The following SLC36A1 variants were observed in gnomAD, a reference collection of about 807,000 sequenced individuals.
SLC36A1 encodes the protein proton-coupled amino acid transporter 1.
SLC36A1 carries 30 observed loss-of-function variants against 47.5 expected under a neutral mutation model. The observed-to-expected ratio is 0.63, with a 90% CI of 0.47 to 0.86. The LOEUF is 0.86. SLC36A1 is among the 40% of genes least tolerant of loss of function. The probability of loss-of-function intolerance (pLI) is 0.00; values close to 1 mark genes in which losing one functional copy is unlikely to be tolerated. For missense variants in SLC36A1, 517 were observed against 606.0 expected (o/e 0.85, Z 1.54); for synonymous variants, 255 against 249.7 (o/e 1.02, Z -0.20).
At chr5:151,531,627 G>A in the SLC36A1 span, 2 of 1,613,302 alleles carry the variant, frequency 1.2e-6, no homozygotes, top group Non-Finnish European at 1.7e-6. The surrounding 1 kb of genome is among the most constrained non-coding windows in gnomAD (Gnocchi z 5.7). Flanking sequence ...GCTCGTTCCC[G>A]CTGACCACGC....
chr5:151,415,934 T>A, the SLC36A1 span, among the ~76,000 whole-genome samples: 1 of 152,114 alleles, frequency 6.6e-6, no homozygotes, highest in Non-Finnish European at 1.5e-5. Context: ...GGTGAAACCC[T>A]GTCTCTACTA....
chr5:151,500,784 C>G, the SLC36A1 span, among the ~76,000 whole-genome samples: 1 of 152,210 alleles, frequency 6.6e-6, no homozygotes, highest in Admixed American at 6.5e-5. Context: ...ATGGTAGTGA[C>G]GGTCACGATG....
At chr5:151,433,848 T>A (rs543016770), upstream of SLC36A1, among the ~76,000 whole-genome samples, 2 of 151,706 alleles carry the variant, frequency 1.3e-5, no homozygotes, top group Non-Finnish European at 2.9e-5. Context: ...TGGAAATAAA[T>A]CAATATCCCA....
chr5:151,379,977 GAAA>G, the SLC36A1 span, among the ~76,000 whole-genome samples: 1 of 141,938 alleles, frequency 7.0e-6, no homozygotes, highest in African/African-American at 2.7e-5. Flanking sequence ...CAAGCAACTA[GAAA>G]AAAAAATTAA....
At chr5:151,537,317 A>AG in the SLC36A1 span, among the ~76,000 whole-genome samples, 7,108 of 93,286 alleles carry the variant, frequency 0.076, 198 homozygotes, top group African/African-American at 0.12. Flanking sequence ...AAGAAAAAGA[A>AG]AGAGAAAAAA....
the SLC36A1 span, chr5:151,545,778 G>A: frequency 1.9e-6 from 3 of 1,614,164 alleles, no homozygotes; most frequent in Non-Finnish European, 2.5e-6. Flanking sequence ...TCACAAAGGG[G>A]TTGTTGTTTT....
At chr5:151,377,395 C>T in the SLC36A1 span, among the ~76,000 whole-genome samples, 1 of 142,068 alleles carries the variant, frequency 7.0e-6, no homozygotes. Flanking sequence ...GTCGCCCAGG[C>T]TGGAGTGCAG....
the SLC36A1 span, among the ~76,000 whole-genome samples, chr5:151,547,975 T>C: frequency 6.6e-6 from 1 of 152,234 alleles, no homozygotes; most frequent in Admixed American, 6.5e-5. Flanking sequence ...ATTTTAAAAC[T>C]AATCTAATCT....
At chr5:151,545,936 G>T in the SLC36A1 span, 2 of 1,613,880 alleles carry the variant, frequency 1.2e-6, no homozygotes. Flanking sequence ...TTGCTGCCTC[G>T]GATTTTCAGC....
intron 3 of SLC36A1, among the ~76,000 whole-genome samples, 183 bp downstream of exon 3, chr5:151,463,826 G>A (rs908769363): frequency 3.7e-4 from 57 of 152,300 alleles, no homozygotes; most frequent in African/African-American, 1.3e-3. Context: ...TGTTCTGTGC[G>A]TTAGGCACTG....
the SLC36A1 span, among the ~76,000 whole-genome samples, chr5:151,389,782 C>A: frequency 6.6e-6 from 1 of 151,926 alleles, no homozygotes; most frequent in African/African-American, 2.4e-5. Context: ...TGTATATGTG[C>A]CACATTTTCT....
chr5:151,358,739 C>T, the SLC36A1 span, among the ~76,000 whole-genome samples: 12 of 151,524 alleles, frequency 7.9e-5, no homozygotes, highest in Admixed American at 5.9e-4. Flanking sequence ...TTTGGGAGGC[C>T]GAGGCGGGTG....
the SLC36A1 span, among the ~76,000 whole-genome samples, chr5:151,422,769 C>T: frequency 1.3e-5 from 2 of 151,826 alleles, no homozygotes; most frequent in Admixed American, 6.6e-5. Context: ...AGTGAAGCCC[C>T]GTCTCTACTA....
Position 151,437,624 on chromosome 5 carries a change from G to A in SLC36A1, c.-6+445G>A, listed in dbSNP as rs114652796. Among the ~76,000 whole-genome samples, 894 of 151,884 alleles carry A rather than the reference G, an allele frequency of 5.9e-3. 17 individuals carry two copies. Among genetic ancestry groups the A allele is most frequent in the African/African-American group, 0.021 (861 of 41,406 alleles). ...GAAAATTTGTACCTCTTAAATTCTCGTACTTTACTTCTCAATATAATTATT... is the reference window on the plus strand; with the variant it reads ...GAAAATTTGTACCTCTTAAATTCTCATACTTTACTTCTCAATATAATTATT... On this transcript the variant is annotated intron_variant, in intron 1 of 8. Transcript: ENST00000429484.
the SLC36A1 span, among the ~76,000 whole-genome samples, chr5:151,518,689 A>C: frequency 2.6e-5 from 4 of 152,242 alleles, no homozygotes; most frequent in Non-Finnish European, 5.9e-5. Context: ...GGCATCCTCC[A>C]TCCCGCCTTA....
chr5:151,517,565 T>A, the SLC36A1 span: 1 of 1,607,040 alleles, frequency 6.2e-7, no homozygotes, highest in South Asian at 1.1e-5. Context: ...CCTCACCCCC[T>A]ACCTCCCCAG....
At chr5:151,495,174 T>C (rs1234778621), downstream of SLC36A1, among the ~76,000 whole-genome samples, 1 of 152,216 alleles carries the variant, frequency 6.6e-6, no homozygotes, top group Non-Finnish European at 1.5e-5. Context: ...ATTTTAGCCC[T>C]TCTAATAGGT....
the SLC36A1 span, among the ~76,000 whole-genome samples, chr5:151,419,160 T>C: frequency 6.6e-6 from 1 of 152,236 alleles, no homozygotes; most frequent in Admixed American, 6.5e-5. Flanking sequence ...TAAATCTCTT[T>C]CCTTTATAAA....
At chr5:151,549,259 T>C in the SLC36A1 span, 4 of 1,595,536 alleles carry the variant, frequency 2.5e-6, no homozygotes, top group Non-Finnish European at 3.4e-6. Context: ...TAAAGCATCT[T>C]GACCCATCCT....
Sources: allele counts gnomAD v4.1 joint callset (sites outside exome capture counted in the v4.1 genomes callset), GRCh38; gene constraint gnomAD v4.1.1; non-coding constraint Gnocchi (gnomAD v3.1); transcripts MANE v1.5; gene names NCBI Gene and HGNC (gene_info 2026-07-23, HGNC 2026-07-21).